The following KCNK4 variants were observed in gnomAD, a reference collection of about 807,000 sequenced individuals.
KCNK4 encodes potassium channel subfamily K member 4.
In KCNK4, 22 loss-of-function variants were observed where a neutral mutation model predicts 28.8. That is an observed-to-expected ratio of 0.76 (90% CI 0.55 to 1.09). KCNK4 has a LOEUF of 1.09. KCNK4 is among the 50% of genes least tolerant of loss of function. The pLI is 0.00. For missense variants in KCNK4, 483 were observed against 546.3 expected, an observed-to-expected ratio of 0.88 and a Z score of 1.15; for synonymous variants, 263 against 252.9, an observed-to-expected ratio of 1.04 and a Z score of -0.38.
intron 2 of KCNK4, among the ~76,000 whole-genome samples, chr11:64,293,411 C>G (rs1222233441): frequency 6.6e-6 from 1 of 152,068 alleles, no homozygotes; most frequent in African/African-American, 2.4e-5. Context: ...TCCTGGAGAG[C>G]CTGGCACAGG....
Position 64,293,000 on chromosome 11 carries a change from C to G in KCNK4, c.-19C>G. On this transcript the variant is annotated 5_prime_UTR_variant, in exon 2 of 7. Coordinates refer to ENST00000422670, the MANE Select transcript of KCNK4 (RefSeq NM_033310.3). ...CCCTCCAGGCGGGCAGTGGAGCTGGCCCGGCGCCTGGGCGCGCCATGCGCA... is the reference window on the plus strand; with the variant it reads ...CCCTCCAGGCGGGCAGTGGAGCTGGGCCGGCGCCTGGGCGCGCCATGCGCA... 1 of 1,532,902 alleles carries G rather than the reference C, an allele frequency of 6.5e-7. No homozygotes were observed. Among genetic ancestry groups the G allele is most frequent in the South Asian group, 1.2e-5 (1 of 82,386 alleles). 95.0% of individuals were successfully genotyped at this position (1,532,902 alleles called of 1,614,324 possible). A position where few individuals can be genotyped will look rare whatever the true frequency, so the allele number is the denominator to read the frequency against.
At chr11:64,293,257 G>A (rs563276649) in intron 2 of KCNK4, 50 bp downstream of exon 2, 283 of 1,396,926 alleles carry the variant, frequency 2.0e-4, no homozygotes, top group Non-Finnish European at 2.5e-4. Flanking sequence ...CACCCCTGGC[G>A]CTAGCTGTGT....
chr11:64,291,909 G>A (rs2034638067), intron 1 of KCNK4: 3 of 562,092 alleles, frequency 5.3e-6, no homozygotes, highest in African/African-American at 2.1e-5. Flanking sequence ...TGTGGCCGCC[G>A]GTCCCGCCGC....
At chr11:64,294,802 C>T (rs370919233) in intron 2 of KCNK4, among the ~76,000 whole-genome samples, 22 of 151,064 alleles carry the variant, frequency 1.5e-4, no homozygotes, top group South Asian at 6.3e-4. Flanking sequence ...GGTTGGGACA[C>T]AGACCACCCG....
Position 64,298,131 on chromosome 11 carries a change from C to A in KCNK4, c.683C>A (p.Ser228Tyr), listed in dbSNP as rs1381890684. 5 of 1,613,766 alleles carry A rather than the reference C, an allele frequency of 3.1e-6. No individual in the cohort carries two copies. Among genetic ancestry groups the A allele is most frequent in the Non-Finnish European group, 4.2e-6 (5 of 1,179,970 alleles). Residue 228 changes from serine to tyrosine, a missense_variant, in exon 6 of 7, where the codon TCC becomes TAC. Ser to Tyr is a moderately radical substitution (Grantham distance 144, BLOSUM62 -2). Transcript: ENST00000422670. ...YVAGADPRQD[S>Y]PAYQPLVWFW... ...CCAGGCGCGGACCCCAGGCAGGACT[C>A]CCCGGCCTATCAGCCGCTGGTGTGG... is the stretch of plus-strand genomic sequence containing the variant.
At position 64,299,847 on chromosome 11, in the gene KCNK4, T is replaced by C; in HGVS notation, c.*121T>C. The C allele has an allele frequency of 6.6e-7, 1 of 1,518,798 alleles. No homozygotes were observed. Among genetic ancestry groups the C allele is most frequent in the Non-Finnish European group, 8.8e-7 (1 of 1,131,988 alleles). 94.1% of individuals were successfully genotyped at this position (1,518,798 alleles called of 1,614,324 possible). On this transcript the variant is annotated 3_prime_UTR_variant, in exon 7 of 7. Coordinates refer to ENST00000422670, the MANE Select transcript of KCNK4 (RefSeq NM_033310.3). The stretch of plus-strand genomic sequence containing the variant: ...TGAAGTCTGGGGAGGAGGCTACAGT[T>C]GCCTCTCCGCCTCCTCCCTGGCCCC...
intron 1 of KCNK4, chr11:64,292,157 C>G (rs1262716294): frequency 3.2e-6 from 3 of 929,000 alleles, no homozygotes; most frequent in South Asian, 4.7e-5. Flanking sequence ...GCTGCAGCCT[C>G]GGGATGGAGC....
chr11:64,293,248 A>G, intron 2 of KCNK4, 41 bp downstream of exon 2: 1 of 1,403,822 alleles, frequency 7.1e-7, no homozygotes, highest in Non-Finnish European at 9.3e-7. Context: ...GTCACCCATC[A>G]CCCCTGGCGC....
intron 6 of KCNK4, among the ~76,000 whole-genome samples, chr11:64,298,597 G>C (rs1036239012): frequency 6.6e-6 from 1 of 152,114 alleles, no homozygotes; most frequent in Non-Finnish European, 1.5e-5. Flanking sequence ...TGGGAGGATC[G>C]CTTGAGCCAG....
At position 64,292,950 on chromosome 11, in the gene KCNK4, G is replaced by A; in HGVS notation, c.-69G>A. The A allele has an allele frequency of 6.8e-7, 1 of 1,475,046 alleles. No homozygotes were observed. Among genetic ancestry groups the A allele is most frequent in the Non-Finnish European group, 8.9e-7 (1 of 1,118,156 alleles). The allele number at this position is 1,475,046 out of a possible 1,614,324, so 91.4% of individuals were successfully genotyped here. A position where few individuals can be genotyped will look rare whatever the true frequency, so the allele number is the denominator to read the frequency against. On this transcript the variant is annotated 5_prime_UTR_variant, in exon 2 of 7. Coordinates refer to ENST00000422670, the MANE Select transcript of KCNK4 (RefSeq NM_033310.3). The stretch of plus-strand genomic sequence containing the variant: ...CCTGGTTTTGCCCGCAGTGACGACA[G>A]CTCCCCAGGAGCCCCCCGCCCGGCC...
chr11:64,296,674 T>C (rs2034771275), intron 2 of KCNK4, among the ~76,000 whole-genome samples: 1 of 152,146 alleles, frequency 6.6e-6, no homozygotes, highest in African/African-American at 2.4e-5. Context: ...TCTCAAACAT[T>C]GTAGAAGTCA....
chr11:64,299,070 A>G (rs2034852992), intron 6 of KCNK4, among the ~76,000 whole-genome samples: 1 of 151,642 alleles, frequency 6.6e-6, no homozygotes, highest in Non-Finnish European at 1.5e-5. Flanking sequence ...AAAAAAAAAA[A>G]AAAGCATGTC....
chr11:64,293,198 C>T lies in KCNK4; in HGVS notation c.180C>T (p.Leu60=), dbSNP rs1435158380. ...HPCVSDQELG[L]LIKEVADALG... is the part of the protein sequence containing the mutation. ...GTGTGAGCGACCAGGAGCTGGGCCT[C>T]CTCATCAAGGTGCGTGGGTGGGCCG... Residue 60 remains leucine, a synonymous_variant, in exon 2 of 7, where the codon CTC becomes CTT. Transcript: ENST00000422670. 6.8e-7 allele frequency: 1 copy of T among 1,467,828 alleles called. No homozygotes were observed. The highest frequency in any genetic ancestry group is 9.1e-7 in the Non-Finnish European group (1 of 1,102,642). The allele number at this position is 1,467,828 out of a possible 1,614,324, so 90.9% of individuals were successfully genotyped here.
At position 64,298,134 on chromosome 11, in the gene KCNK4, C is replaced by G. The variant is rs146535799; in HGVS notation, c.686C>G (p.Pro229Arg). 1 of 1,613,772 alleles carries G rather than the reference C, an allele frequency of 6.2e-7. No homozygotes were observed. Among genetic ancestry groups the G allele is most frequent in the Non-Finnish European group, 8.5e-7 (1 of 1,179,970 alleles). ...GGCGCGGACCCCAGGCAGGACTCCC[C>G]GGCCTATCAGCCGCTGGTGTGGTTC... is the stretch of plus-strand genomic sequence containing the variant. ...VAGADPRQDS[P>R]AYQPLVWFWI... Residue 229 changes from proline (P) to arginine (R), a missense_variant, in exon 6 of 7, where the codon CCG (proline) becomes CGG (arginine). Pro to Arg is a moderately radical substitution (Grantham distance 103). Transcript: ENST00000422670.
In KCNK4 at chr11:64,297,005, G is replaced by T. The variant is rs780290197; in HGVS notation, c.313+4G>T. ...GGGACCATCATCACCACCATCGGTG[G>T]GGGAGGGGATTGGCATGTGGGGGGC... is the stretch of plus-strand genomic sequence containing the variant. On this transcript the variant is annotated splice_donor_region_variant and intron_variant, in intron 3 of 6. Coordinates refer to ENST00000422670, the MANE Select transcript of KCNK4 (RefSeq NM_033310.3). The T allele has an allele frequency of 6.4e-7, 1 of 1,552,954 alleles. No homozygotes were observed. Among genetic ancestry groups the T allele is most frequent in the Admixed American group, 1.9e-5 (1 of 51,534 alleles).
intron 2 of KCNK4, among the ~76,000 whole-genome samples, chr11:64,293,550 T>C (rs937823858): frequency 5.3e-5 from 8 of 152,200 alleles, no homozygotes; most frequent in African/African-American, 1.7e-4. Flanking sequence ...CCGGTCTAGA[T>C]TGCCACACAA....
Position 64,296,861 on chromosome 11 carries a change from T to C in KCNK4, c.190-17T>C. 3.3e-6 allele frequency: 5 copies of C among 1,507,068 alleles called. No homozygotes were observed. The highest frequency in any genetic ancestry group is 1.4e-5 in the African/African-American group (1 of 71,568). 93.4% of individuals were successfully genotyped at this position (1,507,068 alleles called of 1,614,324 possible). On this transcript the variant is annotated splice_polypyrimidine_tract_variant and intron_variant, in intron 2 of 6. Coordinates refer to ENST00000422670, the MANE Select transcript of KCNK4 (RefSeq NM_033310.3). ...AGGGAAGAACTGAAGCTCCTCCTTC[T>C]GCACCTTGTCCTGCAGGAGGTGGCT...
Position 64,299,483 on chromosome 11 carries a change from G to A in KCNK4, c.939G>A (p.Pro313=). 11 of 1,606,888 alleles carry A rather than the reference G, an allele frequency of 6.8e-6. No homozygotes were observed. Among genetic ancestry groups the A allele is most frequent in the Middle Eastern group, 1.7e-4 (1 of 6,038 alleles). ...LLPPPPCPAQ[P]LGRPRSPSPP... is the part of the protein sequence containing the mutation. ...CTCCACCGCCCTGTCCAGCGCAGCC[G>A]CTGGGCAGGCCCCGATCCCCTTCGC... is the stretch of plus-strand genomic sequence containing the variant. The change falls in exon 7 of 7, where the codon CCG becomes CCA. Residue 313 remains proline (P), a synonymous_variant. Coordinates refer to ENST00000422670, the MANE Select transcript of KCNK4 (RefSeq NM_033310.3).
At position 64,299,508 on chromosome 11, in the gene KCNK4, C is replaced by T. The variant is rs576679008; in HGVS notation, c.964C>T (p.Pro322Ser). 4 of 1,608,816 alleles carry T rather than the reference C, an allele frequency of 2.5e-6. No individual in the cohort carries two copies. The highest frequency in any genetic ancestry group is 2.2e-5 in the South Asian group (2 of 90,788). Reference protein sequence around the residue: ...QPLGRPRSPSPPEKAQPPSPP... With the variant: ...QPLGRPRSPSSPEKAQPPSPP... ...GCTGGGCAGGCCCCGATCCCCTTCG[C>T]CCCCCGAGAAGGCTCAGCCGCCTTC... Residue 322 changes from proline (P) to serine (S), a missense_variant, in exon 7 of 7, where the codon CCC becomes TCC. Physicochemically the swap from Pro to Ser is moderately conservative, Grantham distance 74. Transcript: ENST00000422670.
Sources: gnomAD v4.1 joint callset for allele counts (sites outside exome capture counted in the v4.1 genomes callset) on GRCh38, gnomAD v4.1.1 for gene constraint, MANE v1.5 for transcripts, NCBI Gene and HGNC (gene_info 2026-07-23, HGNC 2026-07-21) for gene names.